DNAH6: variants seen among roughly 807,000 people sequenced by gnomAD.
The protein encoded by DNAH6 is axonemal beta dynein heavy chain 6.
A neutral mutation model predicts 491.4 loss-of-function variants in DNAH6; 340 were observed. The observed-to-expected ratio is 0.69, with a 90% CI of 0.63 to 0.76. The LOEUF is 0.76. Ranked by LOEUF, DNAH6 falls within the 30% of genes least tolerant of loss-of-function variation. The pLI is 0.00. For missense variants in DNAH6, 4,443 were observed against 4,972.2 expected (o/e 0.89, Z 3.20); for synonymous variants, 1,603 against 1,686.1 (o/e 0.95, Z 1.21).
chr2:84,513,487 G>A (rs550671086), upstream of DNAH6, among the ~76,000 whole-genome samples: 1 of 151,978 alleles, frequency 6.6e-6, no homozygotes, highest in South Asian at 2.1e-4. Flanking sequence ...TACCATTTTT[G>A]CTAATGTTAT....
intron 31 of DNAH6, among the ~76,000 whole-genome samples, chr2:84,637,870 A>G (rs1007375570): frequency 7.9e-5 from 12 of 152,142 alleles, no homozygotes; most frequent in African/African-American, 2.4e-4. Flanking sequence ...TTTTTTCTGT[A>G]TCTACTTAGG....
At chr2:84,793,235 C>G (rs1056642793) in intron 68 of DNAH6, among the ~76,000 whole-genome samples, 1 of 152,164 alleles carries the variant, frequency 6.6e-6, no homozygotes, top group Non-Finnish European at 1.5e-5. Context: ...CGGGCGTGCA[C>G]ACACACAAGC....
At chr2:84,792,299 G>T (rs7595432) in intron 68 of DNAH6, among the ~76,000 whole-genome samples, 3,747 of 152,270 alleles carry the variant, frequency 0.025, 126 homozygotes, top group African/African-American at 0.081. Flanking sequence ...GAGATCTGTT[G>T]TACAATATAG....
chr2:84,720,026 G>A (rs1295348211), intron 59 of DNAH6, among the ~76,000 whole-genome samples: 2 of 151,914 alleles, frequency 1.3e-5, no homozygotes, highest in Admixed American at 6.6e-5. Flanking sequence ...AGTATTTGGG[G>A]TCTGAGAGGA....
chr2:84,573,529 G>T lies in DNAH6; in HGVS notation c.1866G>T (p.Gln622His). ...ATGCAGCTACCTTTGAAAAGTTCCA[G>T]ATATTCTTCAAGGAAAATGAAAGTC... ...RIYAATFEKF[Q>H]IFFKENESLD... Residue 622 changes from glutamine (Q) to histidine (H), a missense_variant, in exon 12 of 77, where the codon CAG (glutamine) becomes CAT (histidine). Gln to His is a conservative substitution (Grantham distance 24). This residue lies in a region of DNAH6 where 2,977 missense variants were observed against 3,296.6 expected (regional missense o/e 0.90). Coordinates refer to ENST00000389394, the MANE Select transcript of DNAH6 (RefSeq NM_001370.2). The T allele has an allele frequency of 6.3e-7, 1 of 1,591,526 alleles. No homozygotes were observed. Among genetic ancestry groups the T allele is most frequent in the Non-Finnish European group, 8.5e-7 (1 of 1,173,606 alleles).
chr2:84,472,321 G>A, the DNAH6 span, among the ~76,000 whole-genome samples: 4 of 151,708 alleles, frequency 2.6e-5, no homozygotes, highest in South Asian at 4.2e-4. Flanking sequence ...TTGAAAGAAG[G>A]TAGCCATGGC....
At chr2:84,478,501 G>A in the DNAH6 span, among the ~76,000 whole-genome samples, 1 of 152,168 alleles carries the variant, frequency 6.6e-6, no homozygotes, top group Non-Finnish European at 1.5e-5. Flanking sequence ...TGAAGGGGAG[G>A]TTCCATCTGC....
intron 62 of DNAH6, among the ~76,000 whole-genome samples, chr2:84,740,991 A>C (rs1672474204): frequency 6.6e-6 from 1 of 152,160 alleles, no homozygotes; most frequent in Admixed American, 6.5e-5. Context: ...TTACCAAACA[A>C]TGGCTCTAAC....
intron 10 of DNAH6, among the ~76,000 whole-genome samples, chr2:84,553,360 TTTTCTTTTCTTTC>T (rs1179723716): frequency 0.2 from 22,002 of 111,840 alleles, 2,178 homozygotes; most frequent in Non-Finnish European, 0.21. Flanking sequence ...TTTTCTTTTC[TTTTCTTTTCTTTC>T]TTTCTTTCTT....
intron 66 of DNAH6, among the ~76,000 whole-genome samples, chr2:84,785,157 G>A (rs901254919): frequency 1.3e-5 from 2 of 152,202 alleles, no homozygotes; most frequent in African/African-American, 4.8e-5. Flanking sequence ...ATGGCTGCTG[G>A]ATTTCAATGC....
At position 84,727,641 on chromosome 2, in the gene DNAH6, G is replaced by T. The variant is rs755476982; in HGVS notation, c.9973-28G>T. On this transcript the variant is annotated intron_variant, in intron 60 of 76. Transcript: ENST00000389394. Reference sequence around the variant, plus strand: ...TCTGCAGAGAATGAATTAAATCAGAGACATTGATAGAGCTCTCTTTCACAC... The same window carrying T: ...TCTGCAGAGAATGAATTAAATCAGATACATTGATAGAGCTCTCTTTCACAC... 2.9e-5 allele frequency: 40 copies of T among 1,361,420 alleles called. No homozygotes were observed. In the South Asian group the frequency reaches 4.7e-4, roughly 16 times the overall value. 84.3% of individuals were successfully genotyped at this position (1,361,420 alleles called of 1,614,324 possible). A position where few individuals can be genotyped will look rare whatever the true frequency, so the allele number is the denominator to read the frequency against.
intron 11 of DNAH6, among the ~76,000 whole-genome samples, chr2:84,572,872 A>G (rs1682034700): frequency 6.6e-6 from 1 of 152,226 alleles, no homozygotes; most frequent in Non-Finnish European, 1.5e-5. Flanking sequence ...ATCTTGACAC[A>G]GTTATTAAAG....
intron 62 of DNAH6, among the ~76,000 whole-genome samples, chr2:84,743,422 G>A (rs1573670745): frequency 6.6e-6 from 1 of 152,220 alleles, no homozygotes; most frequent in Admixed American, 6.5e-5. Context: ...TACAAGTGAT[G>A]TCTAATTCCA....
intron 15 of DNAH6, 134 bp from the exon 16 acceptor site, chr2:84,588,692 T>G: frequency 1.1e-6 from 1 of 898,242 alleles, no homozygotes; most frequent in Non-Finnish European, 1.6e-6. Flanking sequence ...AAACAATAAT[T>G]TTAAACATCA....
intron 60 of DNAH6, among the ~76,000 whole-genome samples, chr2:84,724,676 T>C (rs1420991668): frequency 6.6e-6 from 1 of 152,172 alleles, no homozygotes; most frequent in Non-Finnish European, 1.5e-5. Flanking sequence ...ACATCCAAAA[T>C]GGCTGACTCA....
At chr2:84,736,483 A>G (rs1208453685) in intron 62 of DNAH6, among the ~76,000 whole-genome samples, 1 of 152,030 alleles carries the variant, frequency 6.6e-6, no homozygotes, top group Admixed American at 6.5e-5. Flanking sequence ...TAAGTGTGGG[A>G]TGTTTTTCCA....
rs1309437484 is a variant in DNAH6, at chr2:84,525,582, C to T, written c.243C>T (p.Tyr81=). Residue 81 remains tyrosine (Y), a synonymous_variant, in exon 3 of 77, where the codon TAC becomes TAT. Coordinates refer to ENST00000389394, the MANE Select transcript of DNAH6 (RefSeq NM_001370.2). The stretch of plus-strand genomic sequence containing the variant: ...TCCCAAAGCCAGTGCTAAAAGTCTA[C>T]CAAGATCATAAGCAGCCAGAATACA... ...KLEPLPVLKV[Y]QDHKQPEYIH... is the part of the protein sequence containing the mutation. 6.5e-7 allele frequency: 1 copy of T among 1,545,636 alleles called. No homozygotes were observed. Among genetic ancestry groups the T allele is most frequent in the Non-Finnish European group, 8.7e-7 (1 of 1,145,064 alleles).
intron 2 of DNAH6, among the ~76,000 whole-genome samples, chr2:84,524,180 C>G (rs1401245647): frequency 6.6e-6 from 1 of 151,624 alleles, no homozygotes; most frequent in South Asian, 2.1e-4. Context: ...TGAATTGAAC[C>G]CTTCACCATT....
chr2:84,715,549 T>G lies in DNAH6; in HGVS notation c.9544-11T>G, dbSNP rs186947278. On this transcript the variant is annotated splice_polypyrimidine_tract_variant and intron_variant, in intron 57 of 76. Coordinates refer to ENST00000389394, the MANE Select transcript of DNAH6 (RefSeq NM_001370.2). ...TTAAGCATTTTTATGCACTCTGTGCTTCTCTTCCAGGTATGCATTAAAGTT... is the reference window on the plus strand; with the variant it reads ...TTAAGCATTTTTATGCACTCTGTGCGTCTCTTCCAGGTATGCATTAAAGTT... The G allele has an allele frequency of 6.4e-7, 1 of 1,551,382 alleles. No homozygotes were observed. Among genetic ancestry groups the G allele is most frequent in the African/African-American group, 1.4e-5 (1 of 73,166 alleles).
Sources: gnomAD v4.1 joint callset for allele counts (sites outside exome capture counted in the v4.1 genomes callset) on GRCh38, gnomAD v4.1.1 for gene constraint, gnomAD v4.1.1 regional missense constraint, MANE v1.5 for transcripts, NCBI Gene and HGNC (gene_info 2026-07-23, HGNC 2026-07-21) for gene names.